Variants in MAGI2 observed in about 807,000 individuals in gnomAD.
MAGI2 encodes the protein membrane associated guanylate kinase, WW and PDZ domain containing 2, also known as membrane-associated guanylate kinase, WW and PDZ domain-containing protein 2.
Under a neutral mutation model 133.3 loss-of-function variants are expected in MAGI2, and 35 were observed. That is an observed-to-expected ratio of 0.26 (90% CI 0.20 to 0.35). The LOEUF (loss-of-function observed/expected upper bound fraction) is 0.35, where lower values mean the gene tolerates loss of function less well. Ranked by LOEUF, MAGI2 falls within the 10% of genes least tolerant of loss-of-function variation. The probability of loss-of-function intolerance (pLI) is 1.00; values close to 1 mark genes in which losing one functional copy is unlikely to be tolerated. For synonymous variants in MAGI2, 729 were observed against 710.6 expected (o/e 1.03, Z -0.41); for missense variants, 1,636 against 1,863.4 (o/e 0.88, Z 2.25).
chr7:79,221,844 T>C (rs1376458942), intron 1 of MAGI2, among the ~76,000 whole-genome samples: 3 of 151,980 alleles, frequency 2.0e-5, no homozygotes, highest in African/African-American at 7.3e-5. Context: ...GTATTAGTAG[T>C]GGACACAGGA....
At chr7:79,162,935 T>C (rs899386826) in intron 1 of MAGI2, among the ~76,000 whole-genome samples, 13 of 152,052 alleles carry the variant, frequency 8.5e-5, no homozygotes, top group African/African-American at 2.9e-4. Context: ...GATGAATACC[T>C]GTCCACATCC....
At chr7:79,404,965 G>T (rs906351093) in intron 1 of MAGI2, among the ~76,000 whole-genome samples, 5 of 152,072 alleles carry the variant, frequency 3.3e-5, no homozygotes, top group African/African-American at 1.2e-4. Flanking sequence ...GCAGGCTCAG[G>T]TGCCGACATG....
intron 1 of MAGI2, among the ~76,000 whole-genome samples, chr7:79,349,518 A>G (rs1238741737): frequency 3.3e-5 from 5 of 152,022 alleles, no homozygotes; most frequent in Non-Finnish European, 7.4e-5. Flanking sequence ...CTGATTATTT[A>G]TTCCCCACAA....
At chr7:78,399,283 T>C (rs1447769843) in intron 6 of MAGI2, among the ~76,000 whole-genome samples, 1 of 152,170 alleles carries the variant, frequency 6.6e-6, no homozygotes, top group Non-Finnish European at 1.5e-5. Flanking sequence ...CCAGAAATAC[T>C]AAGATCTTTT....
At chr7:79,249,986 A>T (rs1322869651) in intron 1 of MAGI2, among the ~76,000 whole-genome samples, 2 of 152,176 alleles carry the variant, frequency 1.3e-5, no homozygotes, top group Admixed American at 1.3e-4. Context: ...GGAAGCAAAG[A>T]TGGTTCAGCA....
chr7:79,150,183 G>A (rs1337064814), intron 1 of MAGI2, among the ~76,000 whole-genome samples: 1 of 151,878 alleles, frequency 6.6e-6, no homozygotes, highest in African/African-American at 2.4e-5. Flanking sequence ...CAGCCCTAGA[G>A]CCAAGAGATT....
intron 1 of MAGI2, among the ~76,000 whole-genome samples, chr7:79,222,643 C>T (rs1483472202): frequency 6.6e-6 from 1 of 151,972 alleles, no homozygotes; most frequent in Non-Finnish European, 1.5e-5. Flanking sequence ...TATTTAATGG[C>T]CCATTCTGGT....
At chr7:78,363,373 G>A (rs536652519) in intron 7 of MAGI2, among the ~76,000 whole-genome samples, 18 of 152,206 alleles carry the variant, frequency 1.2e-4, no homozygotes, top group Admixed American at 3.3e-4. Flanking sequence ...GGTGCCTGTA[G>A]TCCCAGCTAC....
intron 3 of MAGI2, among the ~76,000 whole-genome samples, chr7:78,599,587 C>G (rs1402314881): frequency 6.6e-6 from 1 of 152,134 alleles, no homozygotes; most frequent in East Asian, 1.9e-4. Context: ...TCATTGGTAT[C>G]AAAACAATGT....
intron 1 of MAGI2, among the ~76,000 whole-genome samples, chr7:79,130,710 T>C (rs1328770571): frequency 1.3e-5 from 2 of 152,224 alleles, no homozygotes; most frequent in Non-Finnish European, 2.9e-5. Context: ...TGTTAACTAT[T>C]ATTATTAACC....
intron 9 of MAGI2, among the ~76,000 whole-genome samples, chr7:78,330,998 A>AAC (rs1361218883): frequency 6.6e-6 from 1 of 152,150 alleles, no homozygotes; most frequent in Non-Finnish European, 1.5e-5. Context: ...CACACCATAG[A>AAC]ACACACACAC....
At chr7:78,624,697 G>C (rs1189317070) in intron 3 of MAGI2, among the ~76,000 whole-genome samples, 1 of 101,556 alleles carries the variant, frequency 9.8e-6, no homozygotes, top group Non-Finnish European at 2.2e-5. Context: ...ATGGATGCTA[G>C]GCTTAATATG....
intron 1 of MAGI2, among the ~76,000 whole-genome samples, chr7:79,433,859 T>A: frequency 6.6e-6 from 1 of 152,034 alleles, no homozygotes; most frequent in Admixed American, 6.5e-5. Flanking sequence ...ATATCAAGTA[T>A]AACAAAACGG....
chr7:78,857,583 T>C (rs1793768311), intron 2 of MAGI2, among the ~76,000 whole-genome samples: 1 of 152,228 alleles, frequency 6.6e-6, no homozygotes, highest in Non-Finnish European at 1.5e-5. Flanking sequence ...TGAACCAGCC[T>C]TGCATCCCAG....
intron 21 of MAGI2, among the ~76,000 whole-genome samples, chr7:78,076,959 G>T (rs1265567554): frequency 6.7e-6 from 1 of 150,068 alleles, no homozygotes; most frequent in African/African-American, 2.5e-5. Flanking sequence ...CTTCATGATA[G>T]CTTGAGGTGG....
chr7:79,066,412 GTTA>G (rs1814336648), intron 1 of MAGI2, among the ~76,000 whole-genome samples: 1 of 151,746 alleles, frequency 6.6e-6, no homozygotes, highest in African/African-American at 2.4e-5. Context: ...TTTTGATGGG[GTTA>G]TTTTTTTTTC....
chr7:78,028,317 G>T (rs575818875), intron 21 of MAGI2, among the ~76,000 whole-genome samples: 2 of 152,258 alleles, frequency 1.3e-5, no homozygotes, highest in East Asian at 3.9e-4. Flanking sequence ...TTTTACAATG[G>T]TGATGGTATT....
chr7:78,702,963 A>G (rs1040903007), intron 2 of MAGI2, among the ~76,000 whole-genome samples: 1 of 152,014 alleles, frequency 6.6e-6, no homozygotes, highest in African/African-American at 2.4e-5. Context: ...ATCACCCAAG[A>G]AGAGTTTGTG....
At chr7:78,221,363 A>C (rs1370411325) in intron 10 of MAGI2, among the ~76,000 whole-genome samples, 1 of 152,148 alleles carries the variant, frequency 6.6e-6, no homozygotes, top group African/African-American at 2.4e-5. Flanking sequence ...CTTTCTCACT[A>C]TGTGAAAACC....
Sources: allele counts gnomAD v4.1 joint callset (sites outside exome capture counted in the v4.1 genomes callset), GRCh38; gene constraint gnomAD v4.1.1; transcripts MANE v1.5; gene names NCBI Gene and HGNC (gene_info 2026-07-23, HGNC 2026-07-21).